MIER3: variants seen among roughly 807,000 people sequenced by gnomAD.
MIER3 encodes the protein MIER family member 3.
In MIER3, 9 loss-of-function variants were observed where a neutral mutation model predicts 63.2. The observed-to-expected ratio is 0.14, with a 90% confidence interval of 0.09 to 0.25. The LOEUF is 0.25. MIER3 is among the 10% of genes least tolerant of loss of function. The pLI, the probability that MIER3 is intolerant of heterozygous loss-of-function variation, is 1.00. For missense variants in MIER3, 512 were observed against 666.2 expected (o/e 0.77, Z 2.55); for synonymous variants, 205 against 224.9 (o/e 0.91, Z 0.79).
At chr5:56,927,686 T>TA (rs544577286) in intron 10 of MIER3, among the ~76,000 whole-genome samples, 154 of 152,252 alleles carry the variant, frequency 1.0e-3, no homozygotes, top group African/African-American at 3.1e-3. Flanking sequence ...GTGTATCTGT[T>TA]AAAAAAATCA....
intron 10 of MIER3, among the ~76,000 whole-genome samples, chr5:56,926,285 C>T (rs926228494): frequency 2.0e-5 from 3 of 151,894 alleles, no homozygotes; most frequent in African/African-American, 7.3e-5. Flanking sequence ...TGCAAACACA[C>T]TGGCAAGGGA....
At chr5:56,941,052 G>C (rs1750627709) in intron 3 of MIER3, 5 of 985,378 alleles carry the variant, frequency 5.1e-6, no homozygotes, top group Non-Finnish European at 6.0e-6. Context: ...CTAAGTGCTT[G>C]GCTGAGGGCT....
At chr5:56,925,260 G>A in intron 10 of MIER3, 3 of 433,306 alleles carry the variant, frequency 6.9e-6, no homozygotes, top group Non-Finnish European at 1.4e-5. Context: ...TCTAGCTAAT[G>A]CAGTAAGACA....
At chr5:56,940,349 T>C (rs2591965) in intron 3 of MIER3, among the ~76,000 whole-genome samples, 49,766 of 152,074 alleles carry the variant, frequency 0.33, 8,851 homozygotes, top group East Asian at 0.54. Flanking sequence ...GCAAACAACA[T>C]GAAAACACTA....
Position 56,930,762 on chromosome 5 carries a change from A to AT in MIER3, c.748-18dup. On this transcript the variant is annotated splice_polypyrimidine_tract_variant and intron_variant, in intron 8 of 12. Transcript: ENST00000381199. The stretch of plus-strand genomic sequence containing the variant: ...ATATAATGCCTGGGATGGATATTCA[A>AT]TAAAAAGTATTAAAAGTTCATACCT... 6.3e-7 allele frequency: 1 copy of AT among 1,598,594 alleles called. No individual in the cohort carries two copies. Among genetic ancestry groups the AT allele is most frequent in the Non-Finnish European group, 8.6e-7 (1 of 1,166,550 alleles).
intron 3 of MIER3, among the ~76,000 whole-genome samples, chr5:56,939,695 A>G (rs1369496280): frequency 6.6e-6 from 1 of 152,212 alleles, no homozygotes; most frequent in Non-Finnish European, 1.5e-5. Flanking sequence ...CCCTGGCTAC[A>G]GTGCTGCCTA....
At chr5:56,931,242 C>A (rs252889) in intron 8 of MIER3, among the ~76,000 whole-genome samples, 105,646 of 152,022 alleles carry the variant, frequency 0.69, 37,167 homozygotes, top group Non-Finnish European at 0.75. Flanking sequence ...TGCCACTTTT[C>A]AAAATTAGAA....
At chr5:56,944,849 C>T (rs931870278) in intron 3 of MIER3, among the ~76,000 whole-genome samples, 1 of 152,064 alleles carries the variant, frequency 6.6e-6, no homozygotes, top group African/African-American at 2.4e-5. Context: ...CATGCACCAT[C>T]ACACCCAGCT....
chr5:56,939,056 T>C, intron 3 of MIER3, 39 bp from the exon 4 acceptor site: 1 of 1,607,564 alleles, frequency 6.2e-7, no homozygotes, highest in East Asian at 2.2e-5. Flanking sequence ...TCAGCAGATG[T>C]CACAATACTG....
chr5:56,926,859 C>T (rs145928405), intron 10 of MIER3, among the ~76,000 whole-genome samples: 1 of 151,410 alleles, frequency 6.6e-6, no homozygotes, highest in Non-Finnish European at 1.5e-5. Context: ...ACTGGTACAT[C>T]CATATAATGG....
At chr5:56,930,997 C>CT (rs11326963) in intron 8 of MIER3, among the ~76,000 whole-genome samples, 1 of 151,994 alleles carries the variant, frequency 6.6e-6, no homozygotes, top group African/African-American at 2.4e-5. Flanking sequence ...TCATTCTTGA[C>CT]TTTTTTTTAA....
chr5:56,950,924 A>C (rs931913702), intron 1 of MIER3, among the ~76,000 whole-genome samples: 1 of 152,060 alleles, frequency 6.6e-6, no homozygotes, highest in Non-Finnish European at 1.5e-5. Flanking sequence ...GGAGCTCAGC[A>C]AGTTTCCAAG....
intron 2 of MIER3, among the ~76,000 whole-genome samples, chr5:56,947,423 T>C (rs970307676): frequency 6.6e-6 from 1 of 152,106 alleles, no homozygotes; most frequent in Non-Finnish European, 1.5e-5. Context: ...CTAAAAGCAA[T>C]AGCAAAATAT....
intron 1 of MIER3, 71 bp downstream of exon 1, chr5:56,952,023 G>A: frequency 2.5e-6 from 3 of 1,224,376 alleles, no homozygotes; most frequent in South Asian, 2.1e-5. Context: ...CCCCAGGCTG[G>A]CTCGGGGGTC....
chr5:56,935,819 T>C, intron 5 of MIER3, 68 bp from the exon 6 acceptor site: 1 of 1,189,464 alleles, frequency 8.4e-7, no homozygotes, highest in South Asian at 1.3e-5. Context: ...ATGCCTGTTG[T>C]ATTTTACAAA....
In MIER3 at chr5:56,933,758, T is replaced by A. The variant is rs1750353515; in HGVS notation, c.596-360A>T. On this transcript the variant is annotated intron_variant, in intron 7 of 12. Transcript: ENST00000381199. ...TGTGTAAATTCTCTAATAACCTCAT[T>A]GGACTTTTCTCTTGAAATCCCTAAA... 2.0e-5 allele frequency among the ~76,000 whole-genome samples: 3 copies of A among 152,146 alleles called. No homozygotes were observed. In the South Asian group the frequency reaches 6.2e-4, roughly 32 times the overall value.
intron 5 of MIER3, among the ~76,000 whole-genome samples, chr5:56,937,296 C>CA (rs1750480662): frequency 6.6e-6 from 1 of 151,834 alleles, no homozygotes; most frequent in South Asian, 2.1e-4. Flanking sequence ...AGGCTGGTCT[C>CA]AAACTCCTGG....
At chr5:56,937,185 C>A (rs902192986) in intron 5 of MIER3, among the ~76,000 whole-genome samples, 2 of 152,134 alleles carry the variant, frequency 1.3e-5, no homozygotes, top group African/African-American at 4.8e-5. Context: ...AAGTGATTCT[C>A]GTGCCTCAGC....
chr5:56,944,324 A>C (rs1163013785), intron 3 of MIER3, among the ~76,000 whole-genome samples: 1 of 151,710 alleles, frequency 6.6e-6, no homozygotes, highest in East Asian at 1.9e-4. Context: ...AAAAAAATAC[A>C]AAAAAAATTA....
Sources: allele counts gnomAD v4.1 joint callset (sites outside exome capture counted in the v4.1 genomes callset), GRCh38; gene constraint gnomAD v4.1.1; transcripts MANE v1.5; gene names NCBI Gene and HGNC (gene_info 2026-07-23, HGNC 2026-07-21).